CFHR4: variants seen among roughly 807,000 people sequenced by gnomAD.
CFHR4 encodes the protein complement factor H related 4, also known as complement factor H-related protein 4.
Under a neutral mutation model 69.3 loss-of-function variants are expected in CFHR4, and 64 were observed. The observed-to-expected ratio is 0.92, with a 90% confidence interval of 0.76 to 1.14. CFHR4 has a LOEUF of 1.14. Among genes scored for constraint, CFHR4 ranks in the 50% most tolerant of loss-of-function variants. The pLI, the probability that CFHR4 is intolerant of heterozygous loss-of-function variation, is 0.00. For synonymous variants in CFHR4, 244 were observed against 237.0 expected, an observed-to-expected ratio of 1.03 and a Z score of -0.27; for missense variants, 636 against 684.9, an observed-to-expected ratio of 0.93 and a Z score of 0.80.
chr1:196,918,461 C>A lies in CFHR4; in HGVS notation c.*55C>A. The stretch of plus-strand genomic sequence containing the variant: ...AACTTCCACTTCTCACTCTTATGGT[C>A]TCAAAGCTTGCAAAGATAGCTTCTG... On this transcript the variant is annotated 3_prime_UTR_variant, in exon 10 of 10. Coordinates refer to ENST00000608469, the MANE Select transcript of CFHR4 (RefSeq NM_001201550.3). 2 of 1,502,026 alleles carry A rather than the reference C, an allele frequency of 1.3e-6. No homozygotes were observed. The highest frequency in any genetic ancestry group is 1.8e-6 in the Non-Finnish European group (2 of 1,081,824). 93.0% of individuals were successfully genotyped at this position (1,502,026 alleles called of 1,614,324 possible). A position where few individuals can be genotyped will look rare whatever the true frequency, so the allele number is the denominator to read the frequency against.
intron 2 of CFHR4, 26 bp downstream of exon 2, chr1:196,902,641 T>C (rs1193242054): frequency 5.2e-6 from 8 of 1,528,348 alleles, no homozygotes; most frequent in Non-Finnish European, 7.2e-6. Flanking sequence ...TACAAGAATA[T>C]GTGCATAAAA....
At chr1:196,898,636 A>G (rs534474033) in intron 1 of CFHR4, among the ~76,000 whole-genome samples, 2 of 151,640 alleles carry the variant, frequency 1.3e-5, no homozygotes, top group South Asian at 2.1e-4. Flanking sequence ...GTTGTGAAAC[A>G]TATTTTGCTA....
chr1:196,913,309 T>C (rs112505211), intron 7 of CFHR4, among the ~76,000 whole-genome samples: 1 of 151,560 alleles, frequency 6.6e-6, no homozygotes, highest in Admixed American at 6.6e-5. Flanking sequence ...AGAAAAGTTG[T>C]ACATGTCGGG....
At position 196,912,725 on chromosome 1, in the gene CFHR4, C is replaced by T. The variant is rs536319151; in HGVS notation, c.998-15C>T. On this transcript the variant is annotated splice_polypyrimidine_tract_variant and intron_variant, in intron 6 of 9. Coordinates refer to ENST00000608469, the MANE Select transcript of CFHR4 (RefSeq NM_001201550.3). ...CAACAAATATTTACTTTTTTCTCTACTTTTTCTATTTTAGGAACATGCTCA... is the reference window on the plus strand; with the variant it reads ...CAACAAATATTTACTTTTTTCTCTATTTTTTCTATTTTAGGAACATGCTCA... 5.8e-5 allele frequency: 91 copies of T among 1,563,392 alleles called. 1 individual carries two copies. The Admixed American group carries it at 7.8e-4, about 13-fold the overall frequency.
intron 7 of CFHR4, 90 bp downstream of exon 7, chr1:196,913,012 C>A (rs1235123468): frequency 1.3e-4 from 206 of 1,592,256 alleles, no homozygotes; most frequent in South Asian, 1.3e-3. Flanking sequence ...ATAGAAAACA[C>A]TTTTAGGAGT....
rs1658527824 is a variant in CFHR4 at position 196,915,107 on chromosome 1, T to C, written c.1509T>C (p.Asn503=). The change falls in exon 9 of 10, where the codon AAT becomes AAC. Residue 503 remains asparagine, a synonymous_variant. Coordinates refer to ENST00000608469, the MANE Select transcript of CFHR4 (RefSeq NM_001201550.3). ...LQGSNYVTCS[N]GEWSEPPRCI... is the part of the protein sequence containing the mutation. The stretch of plus-strand genomic sequence containing the variant: ...GTTCTAATTATGTAACATGTAGTAA[T>C]GGAGAGTGGTCGGAACCACCAAGAT... The C allele has an allele frequency of 1.9e-6, 3 of 1,613,090 alleles. No homozygotes were observed. Among genetic ancestry groups the C allele is most frequent in the Non-Finnish European group, 2.5e-6 (3 of 1,179,826 alleles).
chr1:196,900,654 G>A (rs1346482590), intron 1 of CFHR4, among the ~76,000 whole-genome samples: 1 of 151,316 alleles, frequency 6.6e-6, no homozygotes, highest in Non-Finnish European at 1.5e-5. Context: ...ACTCAAGCTT[G>A]TCCAAGGTGG....
At chr1:196,906,346 C>T (rs1397102306) in intron 3 of CFHR4, among the ~76,000 whole-genome samples, 2 of 151,470 alleles carry the variant, frequency 1.3e-5, no homozygotes, top group Non-Finnish European at 2.9e-5. Context: ...AAAGACAAAG[C>T]TGTACACTTC....
Position 196,918,589 on chromosome 1 carries a change from T to A in CFHR4, c.*183T>A. ...AATATGTTAAAACAAACTAAATTAT[T>A]GCTTATGCTTGTACTAAAATAATAA... On this transcript the variant is annotated 3_prime_UTR_variant, in exon 10 of 10. Coordinates refer to ENST00000608469, the MANE Select transcript of CFHR4 (RefSeq NM_001201550.3). The A allele has an allele frequency of 5.1e-6, 3 of 592,638 alleles. 1 individual carries two copies. In the Middle Eastern group the frequency reaches 1.0e-3, roughly 200 times the overall value. The allele number at this position is 592,638 out of a possible 1,614,324, so 36.7% of individuals were successfully genotyped here.
intron 1 of CFHR4, among the ~76,000 whole-genome samples, chr1:196,901,151 A>G (rs1657578351): frequency 6.6e-6 from 1 of 151,442 alleles, no homozygotes; most frequent in African/African-American, 2.4e-5. Flanking sequence ...CTAAGCTTCA[A>G]AAACAGCACA....
chr1:196,905,580 T>C (rs1333272140), intron 3 of CFHR4, among the ~76,000 whole-genome samples: 1 of 151,446 alleles, frequency 6.6e-6, no homozygotes, highest in East Asian at 1.9e-4. Flanking sequence ...CAGCACAATG[T>C]ATTACTTGTC....
chr1:196,889,372 A>T (rs1442245447), intron 1 of CFHR4, among the ~76,000 whole-genome samples: 1 of 151,640 alleles, frequency 6.6e-6, no homozygotes, highest in Non-Finnish European at 1.5e-5. Flanking sequence ...TAAAATAAGG[A>T]TTACATAGAT....
intron 5 of CFHR4, among the ~76,000 whole-genome samples, chr1:196,909,424 T>A (rs185678969): frequency 2.6e-5 from 4 of 151,534 alleles, no homozygotes; most frequent in African/African-American, 9.7e-5. Context: ...TTAGAAACTT[T>A]TGAAAAATAT....
chr1:196,892,935 G>A lies in CFHR4; in HGVS notation c.58+4727G>A, dbSNP rs75855774. Among the ~76,000 whole-genome samples the A allele has an allele frequency of 5.9e-3, 891 of 151,650 alleles. 50 individuals carry two copies. Among genetic ancestry groups the A allele is most frequent in the African/African-American group, 0.021 (860 of 41,194 alleles). ...AACATTCAACTAACAATGCAGTTAA[G>A]TGGAAGAAAATGAAGAGTTTCATTA... On this transcript the variant is annotated intron_variant, in intron 1 of 9. Transcript: ENST00000608469.
chr1:196,917,865 A>C (rs1044572410), intron 9 of CFHR4, among the ~76,000 whole-genome samples: 2 of 151,758 alleles, frequency 1.3e-5, no homozygotes, highest in South Asian at 2.1e-4. Context: ...GAGGATAAGT[A>C]ACCATGACTC....
At position 196,905,255 on chromosome 1, in the gene CFHR4, T is replaced by C; in HGVS notation, c.404T>C (p.Leu135Ser). The change falls in exon 3 of 10, where the codon TTG (leucine) becomes TCG (serine). Residue 135 changes from leucine to serine, a missense_variant. Physicochemically the swap from Leu to Ser is moderately radical, Grantham distance 145 (BLOSUM62 -2). Coordinates refer to ENST00000608469, the MANE Select transcript of CFHR4 (RefSeq NM_001201550.3). ...EGNSSGSITC[L>S]QNGWSTQPIC... is the part of the protein sequence containing the mutation. ...AATTCTTCAGGATCAATTACATGTT[T>C]GCAAAATGGATGGTCAACACAACCA... The C allele has an allele frequency of 6.2e-7, 1 of 1,611,542 alleles. No homozygotes were observed. The highest frequency in any genetic ancestry group is 8.5e-7 in the Non-Finnish European group (1 of 1,178,824).
At chr1:196,901,889 A>T (rs1657632162) in intron 1 of CFHR4, among the ~76,000 whole-genome samples, 1 of 151,526 alleles carries the variant, frequency 6.6e-6, no homozygotes, top group African/African-American at 2.4e-5. Context: ...TAAATAAAGG[A>T]TAGAAATCTT....
chr1:196,896,898 T>A (rs114796874), intron 1 of CFHR4, among the ~76,000 whole-genome samples: 3,330 of 151,426 alleles, frequency 0.022, 202 homozygotes, highest in African/African-American at 0.073. Context: ...TTTAATCTTT[T>A]TTATTATTAT....
chr1:196,917,343 A>G (rs1156563120), intron 9 of CFHR4, among the ~76,000 whole-genome samples: 2 of 151,932 alleles, frequency 1.3e-5, no homozygotes, highest in Non-Finnish European at 2.9e-5. Context: ...ATGGGTTGAT[A>G]GGTACAGCAA....
Sources: allele counts gnomAD v4.1 joint callset (sites outside exome capture counted in the v4.1 genomes callset), GRCh38; gene constraint gnomAD v4.1.1; transcripts MANE v1.5; gene names NCBI Gene and HGNC (gene_info 2026-07-23, HGNC 2026-07-21).